GHRL: variants seen among roughly 807,000 people sequenced by gnomAD.
The protein encoded by GHRL is ghrelin and obestatin prepropeptide.
Under a neutral mutation model 16.9 loss-of-function variants are expected in GHRL, and 24 were observed. The observed-to-expected ratio is 1.42, with a 90% CI of 1.03 to 2.00. The LOEUF (loss-of-function observed/expected upper bound fraction) is 2.00, where lower values mean the gene tolerates loss of function less well. GHRL is among the 30% of genes most tolerant of loss of function. The probability of loss-of-function intolerance (pLI) is 0.00; values close to 1 mark genes in which losing one functional copy is unlikely to be tolerated. For synonymous variants in GHRL, 63 were observed against 58.2 expected (o/e 1.08, Z -0.37); for missense variants, 193 against 142.1 (o/e 1.36, Z -1.82).
intron 5 of GHRL, 46 bp downstream of exon 5, chr3:10,286,658 T>C (rs769357809): frequency 1.0e-6 from 1 of 996,508 alleles, no homozygotes; most frequent in African/African-American, 1.6e-5. Flanking sequence ...AACTCCCATG[T>C]GGGGCTGCAA....
Position 10,290,823 on chromosome 3 carries a change from G to A in GHRL, c.-137C>T, listed in dbSNP as rs890914161. The A allele has an allele frequency of 3.5e-5, 35 of 986,908 alleles. No homozygotes were observed. Among genetic ancestry groups the A allele is most frequent in the East Asian group, 1.1e-4 (1 of 8,936 alleles). The allele number at this position is 986,908 out of a possible 1,614,324, so 61.1% of individuals were successfully genotyped here. On this transcript the variant is annotated 5_prime_UTR_variant, in exon 2 of 6. The change creates a new upstream start codon in the 5' untranslated region. Transcript: ENST00000335542. ...CCATCCCAGAGGTGGCCTAGCTTCC[G>A]TGGGGCTGATGTACATTCCTTGGGA...
Position 10,290,813 on chromosome 3 carries a change from C to G in GHRL, c.-127G>C. 2.0e-6 allele frequency: 2 copies of G among 987,444 alleles called. No homozygotes were observed. Among genetic ancestry groups the G allele is most frequent in the Non-Finnish European group, 2.4e-6 (2 of 831,250 alleles). The allele number at this position is 987,444 out of a possible 1,614,324, so 61.2% of individuals were successfully genotyped here. A position where few individuals can be genotyped will look rare whatever the true frequency, so the allele number is the denominator to read the frequency against. ...ACCAGCAACCCCATCCCAGAGGTGG[C>G]CTAGCTTCCGTGGGGCTGATGTACA... On this transcript the variant is annotated 5_prime_UTR_variant, in exon 2 of 6. Coordinates refer to ENST00000335542, the MANE Select transcript of GHRL (RefSeq NM_016362.5).
At chr3:10,286,975 C>A in intron 4 of GHRL, 163 bp from the exon 5 acceptor site, 3 of 570,042 alleles carry the variant, frequency 5.3e-6, no homozygotes, top group Non-Finnish European at 9.5e-6. Context: ...AGGTTCTCTT[C>A]CTTTCTCAGG....
intron 4 of GHRL, chr3:10,287,042 C>T: frequency 4.6e-6 from 2 of 434,514 alleles, no homozygotes; most frequent in Non-Finnish European, 8.5e-6. Context: ...CACTCTCATG[C>T]CTCTCAGCCT....
chr3:10,287,957 C>T (rs1576050361), intron 4 of GHRL: 1 of 135,018 alleles, frequency 7.4e-6, no homozygotes, highest in Non-Finnish European at 1.5e-5. Context: ...GAGTTGGGGC[C>T]TTCCATTCCC....
At chr3:10,286,258 CT>C (rs1239856325) in intron 5 of GHRL, among the ~76,000 whole-genome samples, 1 of 152,116 alleles carries the variant, frequency 6.6e-6, no homozygotes, top group Non-Finnish European at 1.5e-5. Flanking sequence ...AAAGCAAACC[CT>C]TTGCTTAACT....
intron 2 of GHRL, 171 bp from the exon 3 acceptor site, chr3:10,290,380 GTTCTC>G (rs1217322363): frequency 1.6e-6 from 1 of 633,470 alleles, no homozygotes; most frequent in East Asian, 2.9e-5. Flanking sequence ...ATGGATGTGT[GTTCTC>G]TTCTCCAAGG....
intron 1 of GHRL, chr3:10,292,039 A>G (rs1292262149): frequency 6.6e-6 from 1 of 152,284 alleles, no homozygotes; most frequent in African/African-American, 2.4e-5. Flanking sequence ...GGGAACTGCT[A>G]GCCCAAGAAG....
At chr3:10,291,476 G>A (rs1700011387) in intron 1 of GHRL, 25 bp from the exon 2 acceptor site, 1 of 985,164 alleles carries the variant, frequency 1.0e-6, no homozygotes, top group Non-Finnish European at 1.2e-6. Context: ...TCTACGCTTA[G>A]CACGGGCCTG....
At chr3:10,288,278 TG>T (rs1699388753) in intron 4 of GHRL, 1 of 151,648 alleles carries the variant, frequency 6.6e-6, no homozygotes, top group Non-Finnish European at 1.5e-5. Flanking sequence ...GAGAGGTGGG[TG>T]GGACACTCGG....
rs1377633707 is a variant in GHRL, at chr3:10,289,840, C to T, written c.147G>A (p.Gln49=). 1 of 1,613,864 alleles carries T rather than the reference C, an allele frequency of 6.2e-7. No homozygotes were observed. Among genetic ancestry groups the T allele is most frequent in the East Asian group, 2.2e-5 (1 of 44,870 alleles). Residue 49 remains glutamine (Q), a synonymous_variant, in exon 4 of 6, where the codon CAG becomes CAA. Coordinates refer to ENST00000335542, the MANE Select transcript of GHRL (RefSeq NM_016362.5). ...KESKKPPAKL[Q]PRALAGWLRP... ...GGAGCCAGCCTGCTAGAGCTCGGGGCTGCAGCTTGGCTGGTGGCTTCTTCG... is the reference window on the plus strand; with the variant it reads ...GGAGCCAGCCTGCTAGAGCTCGGGGTTGCAGCTTGGCTGGTGGCTTCTTCG...
At chr3:10,288,019 G>C (rs922803342) in intron 4 of GHRL, 1 of 148,770 alleles carries the variant, frequency 6.7e-6, no homozygotes, top group African/African-American at 2.5e-5. Context: ...CGGGGTGGCT[G>C]ATCACCTGGC....
In GHRL at chr3:10,289,820, C is replaced by A. The variant is rs780132084; in HGVS notation, c.167G>T (p.Trp56Leu). ...TTGACCTCCATCTTCCGGGCGGAGC[C>A]AGCCTGCTAGAGCTCGGGGCTGCAG... ...AKLQPRALAG[W>L]LRPEDGGQAE... is the part of the protein sequence containing the mutation. The change falls in exon 4 of 6, where the codon TGG (tryptophan) becomes TTG (leucine). Residue 56 changes from tryptophan (W) to leucine (L), a missense_variant. Trp to Leu is a moderately conservative substitution (Grantham distance 61). Transcript: ENST00000335542. 17 of 1,613,978 alleles carry A rather than the reference C, an allele frequency of 1.1e-5. No individual in the cohort carries two copies. Among genetic ancestry groups the A allele is most frequent in the Middle Eastern group, 1.6e-4 (1 of 6,062 alleles).
intron 2 of GHRL, 49 bp downstream of exon 2, chr3:10,290,667 G>A (rs777914157): frequency 4.9e-5 from 47 of 966,654 alleles, no homozygotes; most frequent in East Asian, 1.8e-4. Context: ...CAGCAGTCAC[G>A]GACAATAAAC....
chr3:10,292,610 G>T, intron 1 of GHRL: 1 of 517,108 alleles, frequency 1.9e-6, no homozygotes, highest in Non-Finnish European at 3.4e-6. Flanking sequence ...AGCAACATAT[G>T]AGCATGTCAC....
intron 4 of GHRL, among the ~76,000 whole-genome samples, chr3:10,289,038 G>A (rs1001102122): frequency 6.6e-6 from 1 of 152,150 alleles, no homozygotes; most frequent in Admixed American, 6.5e-5. Context: ...CGGGCACAGC[G>A]TCTAATAGCT....
intron 1 of GHRL, 66 bp from the exon 2 acceptor site, chr3:10,291,517 AC>A (rs1700019057): frequency 1.1e-6 from 1 of 944,792 alleles, no homozygotes; most frequent in South Asian, 4.9e-5. Context: ...CCTTACGCCG[AC>A]CACAAATAAT....
chr3:10,286,981 T>A, intron 4 of GHRL, 169 bp from the exon 5 acceptor site: 1 of 564,720 alleles, frequency 1.8e-6, no homozygotes, highest in Non-Finnish European at 3.2e-6. Context: ...TCTTCCTTTC[T>A]CAGGACCACA....
chr3:10,286,854 C>A (rs745870335), intron 4 of GHRL, 42 bp from the exon 5 acceptor site: 7 of 1,160,324 alleles, frequency 6.0e-6, no homozygotes, highest in South Asian at 2.5e-5. Flanking sequence ...TGTCAGAGGT[C>A]ATGCCCATCC....
Sources: allele counts gnomAD v4.1 joint callset (sites outside exome capture counted in the v4.1 genomes callset), GRCh38; gene constraint gnomAD v4.1.1; transcripts MANE v1.5; gene names NCBI Gene and HGNC (gene_info 2026-07-23, HGNC 2026-07-21).